Variants in CDK7 observed in about 807,000 individuals in gnomAD.
CDK7 encodes the protein cyclin dependent kinase 7, also known as cyclin-dependent kinase 7.
CDK7 carries 25 observed loss-of-function variants against 49.1 expected under a neutral mutation model. That is an observed-to-expected ratio of 0.51 (90% CI 0.37 to 0.71). The LOEUF (loss-of-function observed/expected upper bound fraction) is 0.71. CDK7 is among the 30% of genes least tolerant of loss of function. The pLI, the probability that CDK7 is intolerant of heterozygous loss-of-function variation, is 0.00. For synonymous variants in CDK7, 107 were observed against 140.0 expected (o/e 0.76, Z 1.67); for missense variants, 316 against 411.7 (o/e 0.77, Z 2.01).
At chr5:69,258,838 GGCTGAGGCA>G in intron 6 of CDK7, among the ~76,000 whole-genome samples, 1 of 152,160 alleles carries the variant, frequency 6.6e-6, no homozygotes, top group East Asian at 1.9e-4. Context: ...CACTTTGGGA[GGCTGAGGCA>G]AGTAGATATC....
rs540431065 is a variant in CDK7 at position 69,261,106 on chromosome 5, T to TTG, written c.528-1096_528-1095dup. Among the ~76,000 whole-genome samples, 215 of 152,206 alleles carry TTG rather than the reference T, an allele frequency of 1.4e-3. 1 individual carries two copies. Among genetic ancestry groups the TTG allele is most frequent in the African/African-American group, 5.1e-3 (211 of 41,552 alleles). On this transcript the variant is annotated intron_variant, in intron 7 of 11. Coordinates refer to ENST00000256443, the MANE Select transcript of CDK7 (RefSeq NM_001799.4). ...GTTTTGGGATTACAGGTGTGAGCCA[T>TTG]TGTGCCTGGCCCCAAAGTCTCTATT...
At chr5:69,247,023 T>G (rs1749800279) in intron 2 of CDK7, among the ~76,000 whole-genome samples, 1 of 152,248 alleles carries the variant, frequency 6.6e-6, no homozygotes, top group Non-Finnish European at 1.5e-5. Context: ...TAACATATGG[T>G]CTGTCCTTGA....
chr5:69,249,475 G>A (rs967291038), intron 2 of CDK7, among the ~76,000 whole-genome samples: 13 of 151,898 alleles, frequency 8.6e-5, no homozygotes, highest in Admixed American at 7.9e-4. Flanking sequence ...CCTGGGAGGC[G>A]GAGGTTGCAG....
chr5:69,250,211 T>C (rs1750048475), intron 2 of CDK7, among the ~76,000 whole-genome samples: 2 of 152,344 alleles, frequency 1.3e-5, no homozygotes, highest in Admixed American at 1.3e-4. Flanking sequence ...GTACCATTCT[T>C]ATTGGAAGGT....
intron 9 of CDK7, among the ~76,000 whole-genome samples, chr5:69,270,080 AAAAATT>A (rs58609470): frequency 0.24 from 33,628 of 137,434 alleles, 4,991 homozygotes; most frequent in East Asian, 0.35. Context: ...AAAAAAAAAA[AAAAATT>A]AAACTTCTTA....
chr5:69,255,667 G>A (rs1304225498), intron 5 of CDK7, 139 bp downstream of exon 5: 3 of 734,772 alleles, frequency 4.1e-6, no homozygotes, highest in Non-Finnish European at 7.4e-6. Flanking sequence ...GTACTCTGAG[G>A]CAAAAGGATC....
At chr5:69,268,361 C>T (rs1279953552) in intron 8 of CDK7, among the ~76,000 whole-genome samples, 1 of 152,142 alleles carries the variant, frequency 6.6e-6, no homozygotes, top group Non-Finnish European at 1.5e-5. Flanking sequence ...TGAGGCTTAG[C>T]ACAAGGCCTG....
chr5:69,255,200 T>C (rs146592507), intron 4 of CDK7, among the ~76,000 whole-genome samples: 210 of 152,356 alleles, frequency 1.4e-3, no homozygotes, highest in African/African-American at 4.8e-3. Flanking sequence ...TTGGTTAATT[T>C]CTTAATTCTA....
At chr5:69,268,217 CT>C (rs1434340352) in intron 8 of CDK7, among the ~76,000 whole-genome samples, 4 of 152,082 alleles carry the variant, frequency 2.6e-5, no homozygotes, top group African/African-American at 9.7e-5. Context: ...GTTAGGTGCT[CT>C]TTCCATGTGG....
intron 7 of CDK7, among the ~76,000 whole-genome samples, chr5:69,261,393 T>C (rs570785260): frequency 6.6e-6 from 1 of 152,136 alleles, no homozygotes; most frequent in Admixed American, 6.6e-5. Context: ...ACTCTGGGAA[T>C]TGACAATGGG....
chr5:69,270,318 CATT>C (rs1203963911), intron 9 of CDK7, among the ~76,000 whole-genome samples: 4 of 152,138 alleles, frequency 2.6e-5, no homozygotes, highest in African/African-American at 9.6e-5. Flanking sequence ...GTGGTGCACA[CATT>C]ATGGTCCCAG....
At position 69,235,006 on chromosome 5, in the gene CDK7, C is replaced by T; in HGVS notation, c.31C>T (p.Arg11Cys). Residue 11 changes from arginine to cysteine, a missense_variant, in exon 1 of 12, where the codon CGT (arginine) becomes TGT (cysteine). By Grantham distance (180) the Arg-to-Cys change is radical. Transcript: ENST00000256443. MALDVKSRAK[R>C]YEKLDFLGEG... ...TCTGGACGTGAAGTCTCGGGCAAAGCGTTATGAGAAGCTGGACTTCCTTGG... is the reference window on the plus strand; with the variant it reads ...TCTGGACGTGAAGTCTCGGGCAAAGTGTTATGAGAAGCTGGACTTCCTTGG... 1.2e-6 allele frequency: 2 copies of T among 1,603,428 alleles called. No homozygotes were observed. Among genetic ancestry groups the T allele is most frequent in the African/African-American group, 1.3e-5 (1 of 74,894 alleles).
Position 69,234,941 on chromosome 5 carries a change from C to A in CDK7, c.-35C>A. 1 of 1,569,672 alleles carries A rather than the reference C, an allele frequency of 6.4e-7. No individual in the cohort carries two copies. Among genetic ancestry groups the A allele is most frequent in the Non-Finnish European group, 8.7e-7 (1 of 1,156,046 alleles). On this transcript the variant is annotated 5_prime_UTR_variant, in exon 1 of 12. Coordinates refer to ENST00000256443, the MANE Select transcript of CDK7 (RefSeq NM_001799.4). ...AAATTCGTGTTGTCCTGGGAGCTCG[C>A]CCTTTTCGGCTGGAGTCGGGCTTTA...
chr5:69,269,401 A>G, intron 9 of CDK7, 108 bp downstream of exon 9: 1 of 696,642 alleles, frequency 1.4e-6, no homozygotes, highest in South Asian at 2.1e-5. Flanking sequence ...GACATTCATT[A>G]TAATATGTAC....
At chr5:69,251,383 C>G (rs1321401287) in intron 2 of CDK7, among the ~76,000 whole-genome samples, 1 of 152,062 alleles carries the variant, frequency 6.6e-6, no homozygotes, top group Non-Finnish European at 1.5e-5. Flanking sequence ...CAGGCATGAG[C>G]CGCCGCACCC....
At chr5:69,242,369 G>A (rs1238668409) in intron 2 of CDK7, among the ~76,000 whole-genome samples, 1 of 152,154 alleles carries the variant, frequency 6.6e-6, no homozygotes, top group Non-Finnish European at 1.5e-5. Flanking sequence ...CCCTGACTCA[G>A]TTCCTAAGTA....
chr5:69,247,032 G>A (rs1749800622), intron 2 of CDK7, among the ~76,000 whole-genome samples: 1 of 152,186 alleles, frequency 6.6e-6, no homozygotes, highest in Non-Finnish European at 1.5e-5. Context: ...GTCTGTCCTT[G>A]AGAATCATTC....
intron 5 of CDK7, 114 bp downstream of exon 5, chr5:69,255,642 T>C: frequency 1.2e-6 from 1 of 820,830 alleles, no homozygotes; most frequent in East Asian, 2.4e-5. Context: ...AGCTTAATTT[T>C]GTTGAAATTT....
At chr5:69,243,838 T>G (rs1476948624) in intron 2 of CDK7, among the ~76,000 whole-genome samples, 4 of 139,276 alleles carry the variant, frequency 2.9e-5, no homozygotes, top group South Asian at 2.5e-4. Context: ...TTTTTTTTTT[T>G]TTTTTTTTTT....
Sources: allele counts gnomAD v4.1 joint callset (sites outside exome capture counted in the v4.1 genomes callset), GRCh38; gene constraint gnomAD v4.1.1; transcripts MANE v1.5; gene names NCBI Gene and HGNC (gene_info 2026-07-23, HGNC 2026-07-21).